PCNT: variants seen among roughly 807,000 people sequenced by gnomAD.
PCNT encodes pericentrin, also known as kendrin.
PCNT carries 319 observed loss-of-function variants against 380.4 expected under a neutral mutation model. The ratio of observed to expected loss-of-function variants is 0.84; its 90% CI spans 0.77 to 0.92. The LOEUF is 0.92. Ranked by LOEUF, PCNT falls within the 40% of genes least tolerant of loss-of-function variation. The pLI, the probability that PCNT is intolerant of heterozygous loss-of-function variation, is 0.00. For synonymous variants in PCNT, 1,845 were observed against 1,735.2 expected (o/e 1.06, Z -1.57); for missense variants, 4,400 against 4,255.3 (o/e 1.03, Z -0.95).
rs758587199 is a variant in PCNT, at chr21:46,412,899, G to T, written c.6057G>T (p.Val2019=). 5 of 1,612,890 alleles carry T rather than the reference G, an allele frequency of 3.1e-6. No homozygotes were observed. The highest frequency in any genetic ancestry group is 4.2e-6 in the Non-Finnish European group (5 of 1,180,026). Residue 2019 remains valine (V), a synonymous_variant, in exon 29 of 47, where the codon GTG becomes GTT. Coordinates refer to ENST00000359568, the MANE Select transcript of PCNT (RefSeq NM_006031.6). ...KDAPLCKQEG[V]MSVLTVCQRQ... ...CACCTCTCTGCAAGCAAGAAGGCGT[G>T]ATGTCAGTGCTCACCGTCTGCCAGA...
chr21:46,427,497 G>A (rs952763833), intron 33 of PCNT, 125 bp from the exon 34 acceptor site: 4 of 990,148 alleles, frequency 4.0e-6, no homozygotes, highest in African/African-American at 3.2e-5. Flanking sequence ...CTTCTTAAGA[G>A]GCCTCATTTA....
chr21:46,326,031 C>T (rs1010502611), intron 1 of PCNT, among the ~76,000 whole-genome samples: 1 of 152,150 alleles, frequency 6.6e-6, no homozygotes, highest in Non-Finnish European at 1.5e-5. Flanking sequence ...GCTTTTATAT[C>T]ATTTTAAAAC....
intron 14 of PCNT, among the ~76,000 whole-genome samples, chr21:46,364,210 G>C (rs1013929575): frequency 7.4e-5 from 11 of 149,246 alleles, no homozygotes; most frequent in Non-Finnish European, 1.3e-4. Flanking sequence ...TCGCCGTCCC[G>C]GAGCCCCCTG....
chr21:46,360,263 C>T (rs1244662354), intron 13 of PCNT, among the ~76,000 whole-genome samples: 1 of 127,668 alleles, frequency 7.8e-6, no homozygotes, highest in Non-Finnish European at 1.6e-5. Flanking sequence ...CACTCTGTTG[C>T]CCAGGCTGGA....
rs376046698 is a variant in PCNT, at chr21:46,413,018, G to T, written c.6150+26G>T. The T allele has an allele frequency of 3.0e-5, 48 of 1,602,316 alleles. No homozygotes were observed. The African/African-American group carries it at 6.0e-4, about 20-fold the overall frequency. On this transcript the variant is annotated intron_variant, in intron 29 of 46. Coordinates refer to ENST00000359568, the MANE Select transcript of PCNT (RefSeq NM_006031.6). Reference sequence around the variant, plus strand: ...GTGTGGGGAGGGGGGAAGGCGCGAGGTCCCCCCGGGAGAGGCTGGACACGC... The same window carrying T: ...GTGTGGGGAGGGGGGAAGGCGCGAGTTCCCCCCGGGAGAGGCTGGACACGC...
chr21:46,350,577 A>T (rs1488281597), intron 8 of PCNT, among the ~76,000 whole-genome samples: 1 of 152,204 alleles, frequency 6.6e-6, no homozygotes, highest in African/African-American at 2.4e-5. Flanking sequence ...CATAAATCAG[A>T]GATAGGGTTA....
chr21:46,407,023 C>T (rs1029673039), intron 27 of PCNT, among the ~76,000 whole-genome samples: 1 of 152,110 alleles, frequency 6.6e-6, no homozygotes, highest in African/African-American at 2.4e-5. Context: ...GCATAATTGT[C>T]TTTTCTTGCA....
rs2087464676 is a variant in PCNT, at chr21:46,425,703, G to A, written c.7180-128G>A. The A allele has an allele frequency of 8.1e-6, 11 of 1,355,010 alleles. No homozygotes were observed. Among genetic ancestry groups the A allele is most frequent in the Admixed American group, 3.4e-5 (2 of 59,308 alleles). 83.9% of individuals were successfully genotyped at this position (1,355,010 alleles called of 1,614,324 possible). A position where few individuals can be genotyped will look rare whatever the true frequency, so the allele number is the denominator to read the frequency against. ...GTGCCGCCTGTACGAAGCCGAGGCGGTGCCCTCCCTCTCCACAGCTGCCCG... is the reference window on the plus strand; with the variant it reads ...GTGCCGCCTGTACGAAGCCGAGGCGATGCCCTCCCTCTCCACAGCTGCCCG... On this transcript the variant is annotated intron_variant, in intron 32 of 46. Transcript: ENST00000359568. This position sits in a 1 kb window ranked among gnomAD's most constrained non-coding sequence, Gnocchi z 4.2.
rs1186457836 is a variant in PCNT at position 46,364,044 on chromosome 21, G to A, written c.2609+110G>A. ...CGCTGTGGGCTCCACTGGGCGAAAA[G>A]GTCTGGAGGGAGCTGGAACAAGGTG... On this transcript the variant is annotated intron_variant, in intron 14 of 46. Coordinates refer to ENST00000359568, the MANE Select transcript of PCNT (RefSeq NM_006031.6). 69 of 958,894 alleles carry A rather than the reference G, an allele frequency of 7.2e-5. No individual in the cohort carries two copies. The East Asian group carries it at 1.7e-3, about 24-fold the overall frequency. 59.4% of individuals were successfully genotyped at this position (958,894 alleles called of 1,614,324 possible). A position where few individuals can be genotyped will look rare whatever the true frequency, so the allele number is the denominator to read the frequency against.
In PCNT at chr21:46,359,480, G is replaced by GTTTGTTTTTTT. The variant is rs2084610347; in HGVS notation, c.2154+2292_2154+2293insGTTTTTTTTTT. 3.0e-5 allele frequency among the ~76,000 whole-genome samples: 2 copies of GTTTGTTTTTTT among 65,732 alleles called. 1 individual carries two copies. Among genetic ancestry groups the GTTTGTTTTTTT allele is most frequent in the African/African-American group, 9.0e-5 (2 of 22,276 alleles). The allele number at this position is 65,732 out of a possible 152,430, so 43.1% of individuals were successfully genotyped here. A position where few individuals can be genotyped will look rare whatever the true frequency, so the allele number is the denominator to read the frequency against. Reference sequence around the variant, plus strand: ...TAGTATTCTGTCCAAAAATACACCTGTTTTTTTTTTGTTTTTTTTTTTTTT... The same window carrying GTTTGTTTTTTT: ...TAGTATTCTGTCCAAAAATACACCTGTTTGTTTTTTTTTTTTTTTTTGTTTTTTTTTTTTTT... On this transcript the variant is annotated intron_variant, in intron 13 of 46. Coordinates refer to ENST00000359568, the MANE Select transcript of PCNT (RefSeq NM_006031.6).
intron 29 of PCNT, among the ~76,000 whole-genome samples, chr21:46,413,465 G>C (rs933894011): frequency 6.6e-6 from 1 of 152,250 alleles, no homozygotes; most frequent in East Asian, 1.9e-4. Context: ...CACAGTCCGT[G>C]CCTGCAGTGA....
At chr21:46,385,644 C>T (rs539918449) in intron 16 of PCNT, among the ~76,000 whole-genome samples, 188 bp from the exon 17 acceptor site, 2 of 152,308 alleles carry the variant, frequency 1.3e-5, no homozygotes, top group Admixed American at 6.5e-5. Context: ...ACGCCTTTGA[C>T]CACTGTCAGT....
At chr21:46,384,178 G>C (rs564184491) in intron 16 of PCNT, among the ~76,000 whole-genome samples, 1 of 142,404 alleles carries the variant, frequency 7.0e-6, no homozygotes, top group Non-Finnish European at 1.5e-5. Flanking sequence ...CAGCGGAAGC[G>C]CATTCACGGT....
chr21:46,355,370 C>T (rs942097698), intron 11 of PCNT, 82 bp from the exon 12 acceptor site: 1 of 1,429,856 alleles, frequency 7.0e-7, no homozygotes, highest in East Asian at 2.3e-5. Context: ...TTGTGCATAG[C>T]AGGAAACACC....
At chr21:46,372,714 A>G (rs779203876) in intron 15 of PCNT, among the ~76,000 whole-genome samples, 5 of 152,170 alleles carry the variant, frequency 3.3e-5, no homozygotes, top group Non-Finnish European at 7.3e-5. Flanking sequence ...GCTCCTGAGA[A>G]TGGGTGATGC....
chr21:46,401,689 A>T lies in PCNT; in HGVS notation c.4930A>T (p.Thr1644Ser), dbSNP rs1270125158. Residue 1644 changes from threonine (T) to serine (S), a missense_variant, in exon 26 of 47, where the codon ACA (threonine) becomes TCA (serine). By Grantham distance (58) the Thr-to-Ser change is moderately conservative. Transcript: ENST00000359568. ...GGGTCCAGAAATACAGTTAGAGGTG[A>T]CACAGAGAGCACTCCTGCGGCGCGA... Reference protein sequence around the residue: ...PEGPEIQLEVTQRALLRRESE... With the variant: ...PEGPEIQLEVSQRALLRRESE... 1.6e-5 allele frequency: 26 copies of T among 1,613,940 alleles called. No individual in the cohort carries two copies. The highest frequency in any genetic ancestry group is 2.0e-5 in the Non-Finnish European group (24 of 1,180,010).
intron 21 of PCNT, among the ~76,000 whole-genome samples, chr21:46,394,068 G>A (rs1444773798): frequency 6.6e-6 from 1 of 152,206 alleles, no homozygotes. Flanking sequence ...GGTTAACCCT[G>A]CCCTAGTTTC....
intron 11 of PCNT, among the ~76,000 whole-genome samples, chr21:46,354,583 A>C (rs1429235572): frequency 6.6e-6 from 1 of 152,126 alleles, no homozygotes; most frequent in Non-Finnish European, 1.5e-5. Flanking sequence ...GGAGCACTTG[A>C]TGTGCAGCAT....
At chr21:46,349,302 C>T (rs1278057416) in intron 7 of PCNT, 116 bp downstream of exon 7, 1 of 910,430 alleles carries the variant, frequency 1.1e-6, no homozygotes, top group Non-Finnish European at 1.8e-6. Flanking sequence ...CTTCTAAATG[C>T]TGGATGGCCC....
Sources: gnomAD v4.1 joint callset for allele counts (sites outside exome capture counted in the v4.1 genomes callset) on GRCh38, gnomAD v4.1.1 for gene constraint, Gnocchi (gnomAD v3.1) non-coding constraint, MANE v1.5 for transcripts, NCBI Gene and HGNC (gene_info 2026-07-23, HGNC 2026-07-21) for gene names.